The following RNLS variants were observed in gnomAD, a reference collection of about 807,000 sequenced individuals.
RNLS encodes renalase, FAD dependent amine oxidase.
Under a neutral mutation model 39.8 loss-of-function variants are expected in RNLS, and 39 were observed. That is an observed-to-expected ratio of 0.98 (90% confidence interval 0.76 to 1.28). The LOEUF (loss-of-function observed/expected upper bound fraction) is 1.28. Ranked by LOEUF, RNLS falls within the 50% of genes most tolerant of loss-of-function variation. The pLI is 0.00. For missense variants in RNLS, 410 were observed against 413.3 expected, an observed-to-expected ratio of 0.99 and a Z score of 0.07; for synonymous variants, 147 against 150.7, an observed-to-expected ratio of 0.98 and a Z score of 0.18.
exon 7 of RNLS, chr10:88,274,182 T>G (rs909025043): frequency 6.6e-6 from 1 of 152,242 alleles, no homozygotes; most frequent in African/African-American, 2.4e-5. Flanking sequence ...CTTTATTTAT[T>G]GTGGTAAATA....
chr10:88,295,835 T>C (rs1280933842), intron 6 of RNLS, among the ~76,000 whole-genome samples: 2 of 152,192 alleles, frequency 1.3e-5, no homozygotes, highest in Admixed American at 6.5e-5. Flanking sequence ...GAGGTCTACA[T>C]TGACTCTATT....
At chr10:88,282,738 C>T (rs1035650074), downstream of RNLS, among the ~76,000 whole-genome samples, 1 of 152,062 alleles carries the variant, frequency 6.6e-6, no homozygotes, top group African/African-American at 2.4e-5. Flanking sequence ...TACTCTTCTC[C>T]TTCAGAAATG....
intron 5 of RNLS, among the ~76,000 whole-genome samples, chr10:88,356,912 T>G (rs1849237216): frequency 6.6e-6 from 1 of 152,180 alleles, no homozygotes; most frequent in South Asian, 2.1e-4. Flanking sequence ...TATTGATCAT[T>G]AACACTCCTC....
the RNLS span, among the ~76,000 whole-genome samples, chr10:88,175,421 C>G: frequency 1.3e-5 from 2 of 151,994 alleles, no homozygotes; most frequent in Non-Finnish European, 2.9e-5. Context: ...TTGCTATAAC[C>G]TCAGGTTTTG....
chr10:88,457,594 C>A (rs1030269651), intron 4 of RNLS, among the ~76,000 whole-genome samples: 1 of 150,494 alleles, frequency 6.6e-6, no homozygotes, highest in Non-Finnish European at 1.5e-5. Context: ...TGTGAGGTAC[C>A]TTACAAGGTA....
chr10:88,240,416 A>ATT, the RNLS span, among the ~76,000 whole-genome samples: 16 of 136,864 alleles, frequency 1.2e-4, no homozygotes, highest in South Asian at 2.4e-4. Flanking sequence ...CTTTTTTTAA[A>ATT]AAAAAAAAAA....
downstream of RNLS, among the ~76,000 whole-genome samples, chr10:88,272,615 G>A (rs1842680473): frequency 2.6e-5 from 4 of 152,164 alleles, no homozygotes; most frequent in Admixed American, 2.0e-4. Flanking sequence ...TGCTTTACAT[G>A]AAGAACTTGG....
intron 4 of RNLS, among the ~76,000 whole-genome samples, chr10:88,417,268 GA>G (rs1374483137): frequency 2.8e-4 from 43 of 152,280 alleles, no homozygotes; most frequent in African/African-American, 1.0e-3. Context: ...CTCAAACTTG[GA>G]TTTGTACTTG....
intron 4 of RNLS, among the ~76,000 whole-genome samples, chr10:88,536,631 C>T (rs1032569942): frequency 6.6e-6 from 1 of 152,102 alleles, no homozygotes; most frequent in South Asian, 2.1e-4. Flanking sequence ...GCTTCCTTGC[C>T]GACTCCCAAA....
chr10:88,290,633 T>C (rs575670078), intron 6 of RNLS, among the ~76,000 whole-genome samples: 57 of 152,300 alleles, frequency 3.7e-4, no homozygotes, highest in African/African-American at 1.0e-3. Flanking sequence ...CATGTATCTT[T>C]TGCAAACATA....
chr10:88,383,585 T>C (rs181950214), intron 4 of RNLS, among the ~76,000 whole-genome samples: 35 of 152,278 alleles, frequency 2.3e-4, no homozygotes, highest in African/African-American at 7.7e-4. Context: ...GTGGATTTTT[T>C]TGGACTTTGA....
chr10:88,420,011 A>AAAATAAAT (rs57637078), intron 4 of RNLS, among the ~76,000 whole-genome samples: 241 of 134,784 alleles, frequency 1.8e-3, no homozygotes, highest in Non-Finnish European at 2.8e-3. Context: ...ACTCCATCTC[A>AAAATAAAT]AAATAAATAA....
At chr10:88,244,634 T>G in the RNLS span, among the ~76,000 whole-genome samples, 1 of 152,060 alleles carries the variant, frequency 6.6e-6, no homozygotes, top group African/African-American at 2.4e-5. Flanking sequence ...CATCTCGATA[T>G]TAATCAAGAG....
At chr10:88,535,403 T>C (rs1185679065) in intron 4 of RNLS, among the ~76,000 whole-genome samples, 1 of 151,494 alleles carries the variant, frequency 6.6e-6, no homozygotes, top group African/African-American at 2.4e-5. Context: ...GAAGGACTTA[T>C]TATACAGAAG....
intron 4 of RNLS, among the ~76,000 whole-genome samples, chr10:88,470,788 G>C (rs1200594507): frequency 1.3e-5 from 2 of 151,808 alleles, no homozygotes; most frequent in Non-Finnish European, 2.9e-5. Context: ...GCTAATTTTT[G>C]TATTTTTAGT....
chr10:88,382,480 T>C (rs997858546), intron 4 of RNLS, among the ~76,000 whole-genome samples: 3 of 152,126 alleles, frequency 2.0e-5, no homozygotes, highest in Non-Finnish European at 2.9e-5. Flanking sequence ...CAAATAACAC[T>C]GCATCAAAAA....
At chr10:88,179,681 A>T in the RNLS span, among the ~76,000 whole-genome samples, 1 of 152,214 alleles carries the variant, frequency 6.6e-6, no homozygotes, top group South Asian at 2.1e-4. Flanking sequence ...TTTGAACCCA[A>T]TGATTTTGGT....
At chr10:88,283,221 A>G (rs891794947), downstream of RNLS, among the ~76,000 whole-genome samples, 5 of 152,224 alleles carry the variant, frequency 3.3e-5, no homozygotes, top group African/African-American at 7.2e-5. Context: ...AAGAAAATCT[A>G]AATGTAAAAT....
chr10:88,549,334 C>T (rs896091002), intron 4 of RNLS, among the ~76,000 whole-genome samples: 1 of 151,366 alleles, frequency 6.6e-6, no homozygotes, highest in Non-Finnish European at 1.5e-5. Flanking sequence ...GAAGGGGGAT[C>T]ACTTGAGGCC....
Sources: allele counts gnomAD v4.1 joint callset (sites outside exome capture counted in the v4.1 genomes callset), GRCh38; gene constraint gnomAD v4.1.1; transcripts MANE v1.5; gene names NCBI Gene and HGNC (gene_info 2026-07-23, HGNC 2026-07-21).